The following TAF1B variants were observed in gnomAD, a reference collection of about 807,000 sequenced individuals.
TAF1B encodes the protein TATA-box binding protein associated factor, RNA polymerase I subunit B, also known as TATA box-binding protein-associated factor RNA polymerase I subunit B.
TAF1B carries 61 observed loss-of-function variants against 83.9 expected under a neutral mutation model. The observed-to-expected ratio is 0.73, with a 90% confidence interval of 0.59 to 0.90. The LOEUF is 0.90. Among genes scored for constraint, TAF1B ranks in the 40% least tolerant of loss-of-function variants. TAF1B has a pLI of 0.00. For synonymous variants in TAF1B, 221 were observed against 224.6 expected, an observed-to-expected ratio of 0.98 and a Z score of 0.14; for missense variants, 625 against 677.0, an observed-to-expected ratio of 0.92 and a Z score of 0.85.
intron 14 of TAF1B, among the ~76,000 whole-genome samples, chr2:9,925,699 C>A (rs1666014517): frequency 6.6e-6 from 1 of 151,762 alleles, no homozygotes. Flanking sequence ...GCCTCAGCCT[C>A]CCGAGTGGCT....
chr2:9,906,261 C>A (rs1021036719), intron 9 of TAF1B, among the ~76,000 whole-genome samples: 5 of 152,140 alleles, frequency 3.3e-5, no homozygotes, highest in Non-Finnish European at 7.4e-5. Flanking sequence ...GGTTTTCTGG[C>A]TGTTATCTAT....
At chr2:9,864,289 C>T (rs898535990) in intron 5 of TAF1B, among the ~76,000 whole-genome samples, 3 of 127,582 alleles carry the variant, frequency 2.4e-5, no homozygotes, top group Non-Finnish European at 5.5e-5. Context: ...CCACAGCTAC[C>T]ATCAGAGACT....
chr2:9,881,331 G>A (rs962714169), intron 7 of TAF1B, among the ~76,000 whole-genome samples: 2 of 151,150 alleles, frequency 1.3e-5, no homozygotes, highest in Non-Finnish European at 2.9e-5. Flanking sequence ...GTGAGACTCT[G>A]TCTTAAAAAA....
chr2:9,881,400 A>G (rs1664503834), intron 7 of TAF1B, among the ~76,000 whole-genome samples: 1 of 152,012 alleles, frequency 6.6e-6, no homozygotes, highest in African/African-American at 2.4e-5. Context: ...GCCAAATGTC[A>G]GCCCAGCTCT....
intron 8 of TAF1B, among the ~76,000 whole-genome samples, chr2:9,893,446 G>A (rs1471068704): frequency 1.3e-5 from 2 of 152,136 alleles, no homozygotes; most frequent in African/African-American, 2.4e-5. Flanking sequence ...GTCATATAAT[G>A]GTACAGTAAA....
chr2:9,898,483 G>A (rs1248285679), intron 8 of TAF1B, among the ~76,000 whole-genome samples: 2 of 152,168 alleles, frequency 1.3e-5, no homozygotes, highest in African/African-American at 4.8e-5. Context: ...TATTAAGTAT[G>A]TGTTGTTTTA....
chr2:9,922,593 A>G (rs1361643771), intron 14 of TAF1B, among the ~76,000 whole-genome samples: 1 of 151,896 alleles, frequency 6.6e-6, no homozygotes, highest in Non-Finnish European at 1.5e-5. Flanking sequence ...CCCCTGGCCT[A>G]TTTCATTTTT....
At chr2:9,880,867 T>A (rs1290766752) in intron 7 of TAF1B, among the ~76,000 whole-genome samples, 1 of 152,146 alleles carries the variant, frequency 6.6e-6, no homozygotes, top group Admixed American at 6.5e-5. Flanking sequence ...TAAAATAATA[T>A]TAAACCAAAA....
chr2:9,857,686 G>A (rs550910432), intron 5 of TAF1B, among the ~76,000 whole-genome samples: 141 of 152,258 alleles, frequency 9.3e-4, no homozygotes, highest in African/African-American at 3.2e-3. Context: ...AATCATGGCC[G>A]AAGGAGAGGG....
chr2:9,858,791 G>A (rs1436882070), intron 5 of TAF1B, among the ~76,000 whole-genome samples: 2 of 152,230 alleles, frequency 1.3e-5, no homozygotes, highest in East Asian at 1.9e-4. Flanking sequence ...AGCTGGAGCT[G>A]GAGTGGCTGG....
At chr2:9,929,142 T>TTG (rs1553295011) in intron 14 of TAF1B, among the ~76,000 whole-genome samples, 1 of 150,914 alleles carries the variant, frequency 6.6e-6, no homozygotes. Context: ...ATTGGTTCTG[T>TTG]TTGTTGTTGT....
At position 9,858,539 on chromosome 2, in the gene TAF1B, A is replaced by T. The variant is rs904337015; in HGVS notation, c.399+4118A>T. ...GGGAATCTGTTGGGGCTCCAACCCC[A>T]CATTTCTCCTCTGCATTGCCCTAGA... On this transcript the variant is annotated intron_variant, in intron 5 of 14. Transcript: ENST00000263663. 3.9e-5 allele frequency among the ~76,000 whole-genome samples: 6 copies of T among 152,238 alleles called. No individual in the cohort carries two copies. In the South Asian group the frequency reaches 1.2e-3, roughly 32 times the overall value.
Position 9,906,045 on chromosome 2 carries a change from T to A in TAF1B, c.955+1039T>A, listed in dbSNP as rs533842621. On this transcript the variant is annotated intron_variant, in intron 9 of 14. Transcript: ENST00000263663. ...AGATCAGAATTACTATTTTGGATTTTTTTTTTCTTTCTGCTTCTTTGATGG... is the reference window on the plus strand; with the variant it reads ...AGATCAGAATTACTATTTTGGATTTATTTTTTCTTTCTGCTTCTTTGATGG... Among the ~76,000 whole-genome samples the A allele has an allele frequency of 3.9e-3, 594 of 152,288 alleles. 3 individuals carry two copies. The highest frequency in any genetic ancestry group is 0.013 in the African/African-American group (553 of 41,560).
intron 5 of TAF1B, among the ~76,000 whole-genome samples, chr2:9,855,906 T>G (rs893801294): frequency 3.2e-4 from 48 of 152,192 alleles, no homozygotes; most frequent in African/African-American, 1.1e-3. Context: ...TGAAGTATAG[T>G]TTTGACTTTG....
intron 8 of TAF1B, among the ~76,000 whole-genome samples, chr2:9,899,135 C>T (rs1665106858): frequency 6.6e-6 from 1 of 152,176 alleles, no homozygotes; most frequent in Admixed American, 6.5e-5. Context: ...CACGTTGAAA[C>T]TCATACCCAT....
intron 7 of TAF1B, 82 bp from the exon 8 acceptor site, chr2:9,882,619 TTTGAA>T: frequency 1.3e-6 from 1 of 765,600 alleles, no homozygotes; most frequent in South Asian, 3.1e-5. Flanking sequence ...TTACCTTGTC[TTTGAA>T]TTAAGAGATT....
At chr2:9,922,399 C>T (rs896765496) in intron 14 of TAF1B, among the ~76,000 whole-genome samples, 3 of 152,150 alleles carry the variant, frequency 2.0e-5, no homozygotes, top group Non-Finnish European at 4.4e-5. Context: ...TTACCAGACA[C>T]TCCCCACATG....
chr2:9,885,020 G>A (rs1664630495), intron 8 of TAF1B, among the ~76,000 whole-genome samples: 1 of 152,208 alleles, frequency 6.6e-6, no homozygotes, highest in South Asian at 2.1e-4. Flanking sequence ...TTCTGGCTCA[G>A]CGCTCCAAAA....
At chr2:9,899,561 C>A (rs1465171110) in intron 8 of TAF1B, among the ~76,000 whole-genome samples, 2 of 152,124 alleles carry the variant, frequency 1.3e-5, no homozygotes, top group South Asian at 2.1e-4. Flanking sequence ...CATTGGTATA[C>A]AAATATTTGT....
Sources: allele counts gnomAD v4.1 joint callset (sites outside exome capture counted in the v4.1 genomes callset), GRCh38; gene constraint gnomAD v4.1.1; transcripts MANE v1.5; gene names NCBI Gene and HGNC (gene_info 2026-07-23, HGNC 2026-07-21).